TMEM94: variants seen among roughly 807,000 people sequenced by gnomAD.
TMEM94 encodes the protein transmembrane protein 94.
In TMEM94, 81 loss-of-function variants were observed where a neutral mutation model predicts 158.6. That is an observed-to-expected ratio of 0.51 (90% CI 0.43 to 0.61). The LOEUF (loss-of-function observed/expected upper bound fraction) is 0.61, where lower values mean the gene tolerates loss of function less well. TMEM94 is among the 20% of genes least tolerant of loss of function. The pLI is 0.00. For missense variants in TMEM94, 1,435 were observed against 1,762.0 expected (o/e 0.81, Z 3.32); for synonymous variants, 751 against 730.7 (o/e 1.03, Z -0.45).
At chr17:75,499,159 C>T (rs919893313) in intron 31 of TMEM94, 77 bp downstream of exon 31, 1 of 1,587,384 alleles carries the variant, frequency 6.3e-7, no homozygotes, top group South Asian at 1.1e-5. Context: ...CGACACTCCC[C>T]CACCTTTCCG....
intron 1 of TMEM94, among the ~76,000 whole-genome samples, chr17:75,461,734 T>C (rs1162350222): frequency 1.3e-5 from 2 of 151,314 alleles, no homozygotes; most frequent in Non-Finnish European, 2.9e-5. Context: ...CCATCCTGGC[T>C]AACATGGTGA....
rs757135690 is a variant in TMEM94 at position 75,488,826 on chromosome 17, G to A, written c.680G>A (p.Arg227Gln). Reference protein sequence around the residue: ...FPPFSPPPSPRGEVERGPQSP... With the variant: ...FPPFSPPPSPQGEVERGPQSP... ...CCCTTCTCCCCTCCACCCTCACCCCGGGGAGAAGTGGAGAGAGGGCCACAG... is the reference window on the plus strand; with the variant it reads ...CCCTTCTCCCCTCCACCCTCACCCCAGGGAGAAGTGGAGAGAGGGCCACAG... The change falls in exon 7 of 32, where the codon CGG (arginine) becomes CAG (glutamine). Residue 227 changes from arginine to glutamine, a missense_variant. Physicochemically the swap from Arg to Gln is conservative, Grantham distance 43. Transcript: ENST00000314256. The A allele has an allele frequency of 1.4e-5, 23 of 1,612,546 alleles. No individual in the cohort carries two copies. In the East Asian group the frequency reaches 1.6e-4, roughly 11 times the overall value.
chr17:75,491,360 A>G lies in TMEM94; in HGVS notation c.1291A>G (p.Thr431Ala), dbSNP rs756224826. 30 of 1,614,110 alleles carry G rather than the reference A, an allele frequency of 1.9e-5. No homozygotes were observed. Among genetic ancestry groups the G allele is most frequent in the Non-Finnish European group, 2.5e-5 (30 of 1,180,020 alleles). ...ILSWPNPSPE[T>A]VLFFSGKVEP... ...GTCATGGCCAAATCCCAGCCCAGAG[A>G]CTGTACTGTTCTTCAGCGGGAAGGT... Residue 431 changes from threonine (T) to alanine (A), a missense_variant, in exon 13 of 32, where the codon ACT becomes GCT. By Grantham distance (58) the Thr-to-Ala change is moderately conservative. This residue lies in a region of TMEM94 where 1,051 missense variants were observed against 1,254.4 expected (regional missense o/e 0.84). Transcript: ENST00000314256. This position sits in a 1 kb window ranked among gnomAD's most constrained non-coding sequence, Gnocchi z 5.1.
Position 75,492,308 on chromosome 17 carries a change from C to G in TMEM94, c.1597-166C>G. ...ACAGGAGCCCAAGAAGGACAGGAAG[C>G]GGATTTCAGGAGGGAGCGGGTGGAA... On this transcript the variant is annotated intron_variant, in intron 14 of 31. Transcript: ENST00000314256. This position sits in a 1 kb window ranked among gnomAD's most constrained non-coding sequence, Gnocchi z 4.4. 1 of 1,428,840 alleles carries G rather than the reference C, an allele frequency of 7.0e-7. No homozygotes were observed. The highest frequency in any genetic ancestry group is 1.5e-5 in the South Asian group (1 of 65,328). The allele number at this position is 1,428,840 out of a possible 1,614,324, so 88.5% of individuals were successfully genotyped here.
In TMEM94 at chr17:75,495,924, C is replaced by G; in HGVS notation, c.2945-42C>G. The G allele has an allele frequency of 6.9e-7, 1 of 1,447,624 alleles. No homozygotes were observed. Among genetic ancestry groups the G allele is most frequent in the Non-Finnish European group, 9.7e-7 (1 of 1,035,746 alleles). The allele number at this position is 1,447,624 out of a possible 1,614,324, so 89.7% of individuals were successfully genotyped here. On this transcript the variant is annotated intron_variant, in intron 22 of 31. Coordinates refer to ENST00000314256, the MANE Select transcript of TMEM94 (RefSeq NM_014738.6). This position sits in a 1 kb window ranked among gnomAD's most constrained non-coding sequence, Gnocchi z 5.6. ...GTCTCTGCCCAGTGCCCACTTGGTGCTCTGCCTGCCTGACTCTGGTGCCCT... is the reference window on the plus strand; with the variant it reads ...GTCTCTGCCCAGTGCCCACTTGGTGGTCTGCCTGCCTGACTCTGGTGCCCT...
intron 1 of TMEM94, among the ~76,000 whole-genome samples, chr17:75,471,189 A>G (rs2050487395): frequency 6.7e-6 from 1 of 149,122 alleles, no homozygotes; most frequent in African/African-American, 2.5e-5. Flanking sequence ...CAATGAGCCA[A>G]GATCGGGTCA....
rs2051991907 is a variant in TMEM94 at position 75,489,887 on chromosome 17, T to A, written c.954+225T>A. ...TGAGGTCAAGAGATCGAGACCATCC[T>A]GGCCAATATGGTGAAACCCCGTCTC... On this transcript the variant is annotated intron_variant, in intron 9 of 31. Coordinates refer to ENST00000314256, the MANE Select transcript of TMEM94 (RefSeq NM_014738.6). This position sits in a 1 kb window ranked among gnomAD's most constrained non-coding sequence, Gnocchi z 5.0. 2.2e-5 allele frequency: 13 copies of A among 588,676 alleles called. No homozygotes were observed. In the East Asian group the frequency reaches 3.7e-4, roughly 17 times the overall value. The allele number at this position is 588,676 out of a possible 1,614,324, so 36.5% of individuals were successfully genotyped here. A position where few individuals can be genotyped will look rare whatever the true frequency, so the allele number is the denominator to read the frequency against.
At chr17:75,467,828 G>T (rs145407719) in intron 1 of TMEM94, among the ~76,000 whole-genome samples, 129 of 152,238 alleles carry the variant, frequency 8.5e-4, no homozygotes, top group African/African-American at 3.0e-3. Context: ...CACCGCGCCC[G>T]GCCCCATTTC....
At chr17:75,467,376 A>G (rs1023076507) in intron 1 of TMEM94, among the ~76,000 whole-genome samples, 1 of 130,632 alleles carries the variant, frequency 7.7e-6, no homozygotes, top group African/African-American at 2.5e-5. Context: ...TTGACCCTAT[A>G]TCCTGCAGCT....
rs1478964514 is a variant in TMEM94, at chr17:75,493,022, T to G, written c.2006T>G (p.Leu669Arg). The G allele has an allele frequency of 6.2e-7, 1 of 1,613,620 alleles. No individual in the cohort carries two copies. The highest frequency in any genetic ancestry group is 1.3e-5 in the African/African-American group (1 of 74,952). The change falls in exon 16 of 32, where the codon CTG becomes CGG. Residue 669 changes from leucine to arginine, a missense_variant. By Grantham distance (102) the Leu-to-Arg change is moderately radical. Coordinates refer to ENST00000314256, the MANE Select transcript of TMEM94 (RefSeq NM_014738.6). Reference sequence around the variant, plus strand: ...GCCGAGACAATGAAGGAGACATCGCTGGGGCGGCTCTCCTGTGTCACCAAG... The same window carrying G: ...GCCGAGACAATGAAGGAGACATCGCGGGGGCGGCTCTCCTGTGTCACCAAG... ...PSAETMKETSLGRLSCVTKRR... is the reference protein window; with the variant it reads ...PSAETMKETSRGRLSCVTKRR...
rs2146824697 is a variant in TMEM94 at position 75,495,018 on chromosome 17, T to C, written c.2712T>C (p.His904=). The change falls in exon 20 of 32, where the codon CAT becomes CAC. Residue 904 remains histidine, a synonymous_variant. Coordinates refer to ENST00000314256, the MANE Select transcript of TMEM94 (RefSeq NM_014738.6). This position sits in a 1 kb window ranked among gnomAD's most constrained non-coding sequence, Gnocchi z 5.6. ...GCCCCAGCCACGCAGGCTCCCTGCA[T>C]GATGACCTGAATCAGGGTAAGGGCA... ...PSSPSHAGSL[H]DDLNQVSRDD... is the part of the protein sequence containing the mutation. 6.2e-7 allele frequency: 1 copy of C among 1,612,474 alleles called. No individual in the cohort carries two copies. Among genetic ancestry groups the C allele is most frequent in the East Asian group, 2.2e-5 (1 of 44,852 alleles).
At chr17:75,471,296 G>A (rs952739704) in intron 1 of TMEM94, among the ~76,000 whole-genome samples, 2 of 151,186 alleles carry the variant, frequency 1.3e-5, no homozygotes, top group East Asian at 3.9e-4. Context: ...AAGAGAGAAA[G>A]TTTGTACCCC....
Position 75,499,051 on chromosome 17 carries a change from A to G in TMEM94, c.3967A>G (p.Thr1323Ala), listed in dbSNP as rs762797007. Reference protein sequence around the residue: ...GCLSLVLVVVTNEIVKLHEIR... With the variant: ...GCLSLVLVVVANEIVKLHEIR... The stretch of plus-strand genomic sequence containing the variant: ...CCTGTCCCTGGTCCTTGTGGTGGTG[A>G]CCAATGAGATCGTGAAGCTACATGA... The change falls in exon 31 of 32, where the codon ACC becomes GCC. Residue 1323 changes from threonine to alanine, a missense_variant. Physicochemically the swap from Thr to Ala is moderately conservative, Grantham distance 58. Transcript: ENST00000314256. 30 of 1,596,494 alleles carry G rather than the reference A, an allele frequency of 1.9e-5. No homozygotes were observed. The highest frequency in any genetic ancestry group is 2.5e-5 in the Non-Finnish European group (29 of 1,172,454).
At chr17:75,469,382 G>T (rs1598323413) in intron 1 of TMEM94, among the ~76,000 whole-genome samples, 3 of 134,430 alleles carry the variant, frequency 2.2e-5, no homozygotes, top group Admixed American at 7.9e-5. Flanking sequence ...GTCTCACTTT[G>T]TCGCCCGACT....
intron 1 of TMEM94, among the ~76,000 whole-genome samples, chr17:75,461,996 G>GTTTTTTTTTTTTTTTTTTTTT (rs1212545027): frequency 1.5e-5 from 1 of 66,060 alleles, no homozygotes; most frequent in African/African-American, 4.1e-5. Context: ...AGTTTTTTTT[G>GTTTTTTTTTTTTTTTTTTTTT]TTTTGTTTTG....
chr17:75,492,502 A>G lies in TMEM94; in HGVS notation c.1625A>G (p.Tyr542Cys), dbSNP rs2146751497. 3.1e-6 allele frequency: 5 copies of G among 1,604,808 alleles called. No homozygotes were observed. Among genetic ancestry groups the G allele is most frequent in the Non-Finnish European group, 4.3e-6 (5 of 1,174,032 alleles). ...KTQPGMESDP[Y>C]EAEDFVCDYH... is the part of the protein sequence containing the mutation. Reference sequence around the variant, plus strand: ...CAGCCTGGGATGGAGAGCGACCCCTACGAAGCAGAGGACTTTGTGTGTGAC... The same window carrying G: ...CAGCCTGGGATGGAGAGCGACCCCTGCGAAGCAGAGGACTTTGTGTGTGAC... Residue 542 changes from tyrosine (Y) to cysteine (C), a missense_variant, in exon 15 of 32, where the codon TAC becomes TGC. Transcript: ENST00000314256. This position sits in a 1 kb window ranked among gnomAD's most constrained non-coding sequence, Gnocchi z 4.4.
Position 75,487,934 on chromosome 17 carries a change from G to T in TMEM94, c.412G>T (p.Ala138Ser), listed in dbSNP as rs748378254. 6.2e-7 allele frequency: 1 copy of T among 1,613,130 alleles called. No individual in the cohort carries two copies. The highest frequency in any genetic ancestry group is 1.7e-5 in the Admixed American group (1 of 60,008). ...TTCCCTCTTTCCATTCCCCTCAGAT[G>T]CCCTCAGGGATGGCAGGGAGATCCA... Reference protein sequence around the residue: ...LRGIIDQIQDALRDGREIQWP... With the variant: ...LRGIIDQIQDSLRDGREIQWP... Residue 138 changes from alanine (A) to serine (S), a missense_variant and splice_region_variant, in exon 6 of 32, where the codon GCC becomes TCC. By Grantham distance (99) the Ala-to-Ser change is moderately conservative. Transcript: ENST00000314256. This position sits in a 1 kb window ranked among gnomAD's most constrained non-coding sequence, Gnocchi z 4.6.
At chr17:75,460,868 G>A (rs1314215302) in intron 1 of TMEM94, among the ~76,000 whole-genome samples, 2 of 151,954 alleles carry the variant, frequency 1.3e-5, no homozygotes, top group African/African-American at 4.8e-5. Flanking sequence ...CAGTTCTGTG[G>A]CATTAAGTAC....
chr17:75,482,687 G>A (rs755759582), intron 2 of TMEM94, among the ~76,000 whole-genome samples: 7 of 152,192 alleles, frequency 4.6e-5, no homozygotes, highest in African/African-American at 4.8e-5. Context: ...TGACAGTCCC[G>A]ATTAAGGTGA....
Sources: allele counts gnomAD v4.1 joint callset (sites outside exome capture counted in the v4.1 genomes callset), GRCh38; gene constraint gnomAD v4.1.1; regional missense constraint gnomAD v4.1.1; non-coding constraint Gnocchi (gnomAD v3.1); transcripts MANE v1.5; gene names NCBI Gene and HGNC (gene_info 2026-07-23, HGNC 2026-07-21).